Variants in VSX2 observed in about 807,000 individuals in gnomAD.
The protein encoded by VSX2 is ceh-10 homeo domain containing homolog.
Under a neutral mutation model 32.1 loss-of-function variants are expected in VSX2, and 28 were observed. The ratio of observed to expected loss-of-function variants is 0.87; its 90% CI spans 0.65 to 1.20. The LOEUF is 1.20. VSX2 is among the 50% of genes most tolerant of loss of function. The probability of loss-of-function intolerance (pLI) is 0.00; values close to 1 mark genes in which losing one functional copy is unlikely to be tolerated. For missense variants in VSX2, 506 were observed against 488.7 expected (o/e 1.04, Z -0.33); for synonymous variants, 243 against 214.1 (o/e 1.14, Z -1.18).
At chr14:74,258,102 C>T (rs1316927464) in intron 3 of VSX2, among the ~76,000 whole-genome samples, 1 of 152,018 alleles carries the variant, frequency 6.6e-6, no homozygotes, top group Admixed American at 6.5e-5. Context: ...CAATTTTCCC[C>T]GTCTAATTAG....
chr14:74,253,141 TG>T (rs2139641206), intron 3 of VSX2, among the ~76,000 whole-genome samples: 1 of 152,030 alleles, frequency 6.6e-6, no homozygotes, highest in South Asian at 2.1e-4. Flanking sequence ...ACTCCAAATC[TG>T]GTGGCCCTGG....
chr14:74,248,528 A>T (rs1296746757), intron 3 of VSX2, among the ~76,000 whole-genome samples: 1 of 151,706 alleles, frequency 6.6e-6, no homozygotes, highest in Non-Finnish European at 1.5e-5. Flanking sequence ...TCTCTACAAA[A>T]AAAAATTTAA....
intron 3 of VSX2, among the ~76,000 whole-genome samples, chr14:74,249,979 G>A (rs1042998823): frequency 4.6e-5 from 7 of 151,778 alleles, no homozygotes; most frequent in African/African-American, 1.4e-4. Flanking sequence ...AAACGCTGGT[G>A]CCTGTGATCC....
chr14:74,256,798 T>A (rs1219091868), intron 3 of VSX2, among the ~76,000 whole-genome samples: 1 of 151,224 alleles, frequency 6.6e-6, no homozygotes, highest in Admixed American at 6.6e-5. Flanking sequence ...TTCAGCCTCC[T>A]GAGTAGCTGG....
chr14:74,258,482 C>A (rs569034433), intron 3 of VSX2, among the ~76,000 whole-genome samples: 3 of 152,240 alleles, frequency 2.0e-5, no homozygotes, highest in Admixed American at 2.0e-4. Context: ...AAGCCCGCCT[C>A]GGTCCTCCCC....
In VSX2 at chr14:74,239,464, AG is replaced by A; in HGVS notation, c.-93del. 4.0e-6 allele frequency: 6 copies of A among 1,509,284 alleles called. No homozygotes were observed. The highest frequency in any genetic ancestry group is 1.2e-5 in the South Asian group (1 of 82,590). 93.5% of individuals were successfully genotyped at this position (1,509,284 alleles called of 1,614,324 possible). A position where few individuals can be genotyped will look rare whatever the true frequency, so the allele number is the denominator to read the frequency against. ...TGGGCTCCAGAGCATTAGACACCGG[AG>A]GGGGCACCTGGGACCAACTTCGCGA... On this transcript the variant is annotated 5_prime_UTR_variant, in exon 1 of 5. Transcript: ENST00000261980.
At position 74,245,282 on chromosome 14, in the gene VSX2, G is replaced by C; in HGVS notation, c.573G>C (p.Arg191Ser). Residue 191 changes from arginine (R) to serine (S), a missense_variant, in exon 3 of 5, where the codon AGG becomes AGC. Coordinates refer to ENST00000261980, the MANE Select transcript of VSX2 (RefSeq NM_182894.3). The part of the protein sequence containing the change: ...LAMKTELPED[R>S]IQVWFQNRRA... Reference sequence around the variant, plus strand: ...TGAAAACGGAGCTGCCGGAAGACAGGATACAGGTAACAGCCCTGAGCCCCT... The same window carrying C: ...TGAAAACGGAGCTGCCGGAAGACAGCATACAGGTAACAGCCCTGAGCCCCT... 1.2e-6 allele frequency: 2 copies of C among 1,613,350 alleles called. No individual in the cohort carries two copies. Among genetic ancestry groups the C allele is most frequent in the Non-Finnish European group, 1.7e-6 (2 of 1,179,812 alleles).
At chr14:74,241,309 C>T in intron 2 of VSX2, 43 bp downstream of exon 2, 3 of 1,590,486 alleles carry the variant, frequency 1.9e-6, no homozygotes, top group African/African-American at 1.3e-5. Flanking sequence ...CCGCGCACCC[C>T]GCTGCCGTCC....
chr14:74,252,386 TTTTC>T (rs1259262657), intron 3 of VSX2, among the ~76,000 whole-genome samples: 1 of 104,620 alleles, frequency 9.6e-6, no homozygotes, highest in African/African-American at 3.3e-5. Context: ...CTGGGCTTTC[TTTTC>T]TTTCTTTTTT....
At position 74,260,661 on chromosome 14, in the gene VSX2, C is replaced by T. The variant is rs1594759186; in HGVS notation, c.828C>T (p.Ala276=). The change falls in exon 5 of 5, where the codon GCC becomes GCT. Residue 276 remains alanine (A), a synonymous_variant. Transcript: ENST00000261980. ...SGRKPEGERQ[A]LPKLDKMEQD... ...GGAAGCCCGAGGGGGAACGCCAGGC[C>T]CTGCCCAAGCTCGACAAGATGGAGC... 1 of 1,602,478 alleles carries T rather than the reference C, an allele frequency of 6.2e-7. No homozygotes were observed. Among genetic ancestry groups the T allele is most frequent in the Non-Finnish European group, 8.5e-7 (1 of 1,175,272 alleles).
intron 4 of VSX2, 152 bp from the exon 5 acceptor site, chr14:74,260,442 T>C: frequency 1.2e-6 from 1 of 859,912 alleles, no homozygotes; most frequent in African/African-American, 1.7e-5. Flanking sequence ...TCCCTGACCC[T>C]GGTCCAGCCC....
chr14:74,254,926 C>T (rs1196025705), intron 3 of VSX2, among the ~76,000 whole-genome samples: 1 of 151,716 alleles, frequency 6.6e-6, no homozygotes, highest in African/African-American at 2.4e-5. Flanking sequence ...ACTACAGGCG[C>T]CCCCCACCAC....
intron 2 of VSX2, among the ~76,000 whole-genome samples, chr14:74,243,255 C>T (rs999928964): frequency 3.3e-5 from 5 of 152,116 alleles, no homozygotes; most frequent in South Asian, 2.1e-4. Flanking sequence ...AAAGCAGCCA[C>T]GGTGAGAGTC....
intron 3 of VSX2, among the ~76,000 whole-genome samples, chr14:74,249,048 C>A (rs927078260): frequency 2.0e-5 from 3 of 152,230 alleles, no homozygotes; most frequent in Non-Finnish European, 4.4e-5. Context: ...TGTCTGATGT[C>A]TGATGAGAAC....
Position 74,245,241 on chromosome 14 carries a change from C to A in VSX2, c.532C>A (p.Arg178=), listed in dbSNP as rs143480909. The A allele has an allele frequency of 3.1e-6, 5 of 1,613,502 alleles. No homozygotes were observed. The highest frequency in any genetic ancestry group is 3.4e-6 in the Non-Finnish European group (4 of 1,179,922). Residue 178 remains arginine, a synonymous_variant, in exon 3 of 5, where the codon CGG becomes AGG. Coordinates refer to ENST00000261980, the MANE Select transcript of VSX2 (RefSeq NM_182894.3). ...AGCCCACTACCCAGACGTCTATGCCCGGGAGATGCTGGCCATGAAAACGGA... is the reference window on the plus strand; with the variant it reads ...AGCCCACTACCCAGACGTCTATGCCAGGGAGATGCTGGCCATGAAAACGGA... ...NEAHYPDVYA[R]EMLAMKTELP... is the part of the protein sequence containing the mutation.
At chr14:74,254,055 G>C (rs971568383) in intron 3 of VSX2, among the ~76,000 whole-genome samples, 1 of 152,244 alleles carries the variant, frequency 6.6e-6, no homozygotes, top group Non-Finnish European at 1.5e-5. Context: ...CTCACAGGGA[G>C]TATGGGCACT....
At chr14:74,254,271 C>T (rs181850226) in intron 3 of VSX2, among the ~76,000 whole-genome samples, 24 of 152,150 alleles carry the variant, frequency 1.6e-4, no homozygotes, top group African/African-American at 5.1e-4. Context: ...ATTAGCTGGG[C>T]GTGCTGCCAG....
intron 3 of VSX2, among the ~76,000 whole-genome samples, chr14:74,245,835 G>C (rs74061752): frequency 0.025 from 3,862 of 152,176 alleles, 183 homozygotes; most frequent in African/African-American, 0.089. Flanking sequence ...CCCAGCAACT[G>C]CTGCCCTGAC....
intron 3 of VSX2, among the ~76,000 whole-genome samples, chr14:74,253,222 G>A (rs1332634841): frequency 4.6e-5 from 7 of 152,064 alleles, no homozygotes; most frequent in Non-Finnish European, 5.9e-5. Context: ...TCTAGTCCTC[G>A]CTGGCACCTT....
Sources: allele counts gnomAD v4.1 joint callset (sites outside exome capture counted in the v4.1 genomes callset), GRCh38; gene constraint gnomAD v4.1.1; transcripts MANE v1.5; gene names NCBI Gene and HGNC (gene_info 2026-07-23, HGNC 2026-07-21).